QTMAN: variants seen among roughly 807,000 people sequenced by gnomAD.
QTMAN encodes the protein tRNA-queuosine alpha-mannosyltransferase.
At chr2:144,122,060 C>T in the QTMAN span, among the ~76,000 whole-genome samples, 10 of 151,804 alleles carry the variant, frequency 6.6e-5, no homozygotes, top group African/African-American at 1.9e-4. Flanking sequence ...TTTTTAATTA[C>T]AATAATAATG....
At chr2:144,013,435 T>G in the QTMAN span, among the ~76,000 whole-genome samples, 130 of 152,274 alleles carry the variant, frequency 8.5e-4, no homozygotes, top group African/African-American at 3.0e-3. Flanking sequence ...GGCGGTGGCA[T>G]ATTTTATATA....
chr2:144,297,615 C>G, the QTMAN span, among the ~76,000 whole-genome samples: 2 of 137,870 alleles, frequency 1.5e-5, no homozygotes, highest in African/African-American at 2.7e-5. Flanking sequence ...GAGTCTCTCT[C>G]TGTCTCCCAG....
the QTMAN span, among the ~76,000 whole-genome samples, chr2:144,302,867 G>A: frequency 3.9e-5 from 6 of 152,174 alleles, no homozygotes; most frequent in Non-Finnish European, 5.9e-5. Context: ...TTGGGAGGCC[G>A]AGGCGGGGGG....
At chr2:144,133,449 A>ATT in the QTMAN span, among the ~76,000 whole-genome samples, 1 of 57,722 alleles carries the variant, frequency 1.7e-5, no homozygotes, top group African/African-American at 1.1e-4. Context: ...TATAATATAT[A>ATT]ATATATAATA....
At chr2:144,231,036 A>G in the QTMAN span, among the ~76,000 whole-genome samples, 1 of 152,196 alleles carries the variant, frequency 6.6e-6, no homozygotes, top group South Asian at 2.1e-4. Flanking sequence ...AATACTTGTA[A>G]AAGTATTCTA....
the QTMAN span, among the ~76,000 whole-genome samples, chr2:144,085,018 C>T: frequency 6.6e-6 from 1 of 152,154 alleles, no homozygotes; most frequent in Non-Finnish European, 1.5e-5. Context: ...TGAATTTTGA[C>T]CTGTATGAAC....
At chr2:143,957,762 C>A in the QTMAN span, among the ~76,000 whole-genome samples, 1 of 152,076 alleles carries the variant, frequency 6.6e-6, no homozygotes, top group African/African-American at 2.4e-5. Flanking sequence ...GGACTGCATT[C>A]GGAAAAATTA....
chr2:144,075,938 A>G, the QTMAN span, among the ~76,000 whole-genome samples: 20 of 152,210 alleles, frequency 1.3e-4, no homozygotes, highest in Admixed American at 2.6e-4. Flanking sequence ...CTGTCAAATA[A>G]TGCACTGTTC....
chr2:144,288,514 A>G, the QTMAN span, among the ~76,000 whole-genome samples: 29 of 152,350 alleles, frequency 1.9e-4, no homozygotes, highest in Non-Finnish European at 3.2e-4. Flanking sequence ...AAAAACGTTA[A>G]AGCACACTGG....
the QTMAN span, chr2:144,208,489 A>T: frequency 1.2e-6 from 1 of 858,998 alleles, no homozygotes; most frequent in South Asian, 1.7e-5. Flanking sequence ...TACTATAGTC[A>T]TAATAACCAA....
At chr2:143,952,383 C>T in the QTMAN span, among the ~76,000 whole-genome samples, 2 of 150,900 alleles carry the variant, frequency 1.3e-5, no homozygotes, top group African/African-American at 2.4e-5. Flanking sequence ...CTTATGTACC[C>T]GTACAACAGT....
chr2:144,231,241 C>T, the QTMAN span, among the ~76,000 whole-genome samples: 1 of 152,084 alleles, frequency 6.6e-6, no homozygotes, highest in Non-Finnish European at 1.5e-5. Flanking sequence ...TTTGTTATTA[C>T]ATTACCAATA....
the QTMAN span, among the ~76,000 whole-genome samples, chr2:144,075,314 T>A: frequency 3.0e-3 from 460 of 152,350 alleles, 2 homozygotes; most frequent in African/African-American, 0.01. Context: ...CGCACTCACA[T>A]GTTAAAAGCG....
At chr2:143,995,559 G>T in the QTMAN span, among the ~76,000 whole-genome samples, 3 of 152,042 alleles carry the variant, frequency 2.0e-5, no homozygotes, top group Non-Finnish European at 4.4e-5. Flanking sequence ...ATATAAAGAA[G>T]AAAACTGAAG....
the QTMAN span, among the ~76,000 whole-genome samples, chr2:144,010,797 C>T: frequency 2.8e-4 from 42 of 152,140 alleles, no homozygotes; most frequent in African/African-American, 9.9e-4. Context: ...CAGAAGGGTA[C>T]ATAATAAGAG....
the QTMAN span, among the ~76,000 whole-genome samples, chr2:144,295,480 A>G: frequency 6.6e-6 from 1 of 152,212 alleles, no homozygotes; most frequent in Non-Finnish European, 1.5e-5. Context: ...TTCATAAATT[A>G]TAATCTAAAC....
At chr2:144,090,316 G>A in the QTMAN span, among the ~76,000 whole-genome samples, 1 of 151,862 alleles carries the variant, frequency 6.6e-6, no homozygotes, top group East Asian at 1.9e-4. Context: ...AGGCAAAAAC[G>A]TCTGCTCTTA....
chr2:144,079,696 G>T, the QTMAN span, among the ~76,000 whole-genome samples: 2 of 151,994 alleles, frequency 1.3e-5, no homozygotes, highest in African/African-American at 4.8e-5. Context: ...AGATGTAATG[G>T]CCTATTAAAT....
chr2:144,242,960 TAAAAA>T, the QTMAN span, among the ~76,000 whole-genome samples: 7 of 77,806 alleles, frequency 9.0e-5, no homozygotes, highest in South Asian at 4.1e-4. Context: ...AGACTCTACT[TAAAAA>T]AAAAAAAAAA....
Sources: allele counts gnomAD v4.1 joint callset (sites outside exome capture counted in the v4.1 genomes callset), GRCh38; gene constraint gnomAD v4.1.1; transcripts MANE v1.5; gene names NCBI Gene and HGNC (gene_info 2026-07-23, HGNC 2026-07-21).